The following ADGRB3 variants were observed in gnomAD, a reference collection of about 807,000 sequenced individuals.
ADGRB3 encodes adhesion G protein-coupled receptor B3.
A neutral mutation model predicts 193.4 loss-of-function variants in ADGRB3; 37 were observed. The ratio of observed to expected loss-of-function variants is 0.19; its 90% CI spans 0.15 to 0.25. The LOEUF (loss-of-function observed/expected upper bound fraction) is 0.25, where lower values mean the gene tolerates loss of function less well. ADGRB3 is among the 10% of genes least tolerant of loss of function. ADGRB3 has a pLI of 1.00. For synonymous variants in ADGRB3, 690 were observed against 644.2 expected, an observed-to-expected ratio of 1.07 and a Z score of -1.08; for missense variants, 1,637 against 1,852.9, an observed-to-expected ratio of 0.88 and a Z score of 2.14.
At chr6:68,710,493 T>A (rs372962787) in intron 3 of ADGRB3, among the ~76,000 whole-genome samples, 1 of 152,174 alleles carries the variant, frequency 6.6e-6, no homozygotes, top group East Asian at 1.9e-4. Flanking sequence ...TGGCTGCAGA[T>A]GTGCTTTTGC....
chr6:69,112,542 T>C (rs957232953), intron 17 of ADGRB3, among the ~76,000 whole-genome samples: 8 of 152,160 alleles, frequency 5.3e-5, no homozygotes, highest in African/African-American at 1.9e-4. Flanking sequence ...TCTAGATCAT[T>C]AATAAAAAGC....
intron 17 of ADGRB3, among the ~76,000 whole-genome samples, chr6:69,114,033 A>G (rs12524752): frequency 7.2e-5 from 11 of 152,184 alleles, no homozygotes; most frequent in Admixed American, 2.0e-4. Flanking sequence ...TGGCCCAAAG[A>G]ATGAGATTCT....
intron 13 of ADGRB3, among the ~76,000 whole-genome samples, chr6:69,047,689 G>T (rs1582420606): frequency 6.6e-6 from 1 of 151,942 alleles, no homozygotes; most frequent in East Asian, 1.9e-4. Flanking sequence ...ATATGGCTTT[G>T]TTCTCCATTT....
At chr6:69,068,732 G>C (rs917239597) in intron 16 of ADGRB3, among the ~76,000 whole-genome samples, 3 of 152,172 alleles carry the variant, frequency 2.0e-5, no homozygotes, top group African/African-American at 4.8e-5. Context: ...TATAAAAATA[G>C]TGTCATGTGG....
At chr6:69,064,283 A>C (rs1771834272) in intron 16 of ADGRB3, among the ~76,000 whole-genome samples, 1 of 151,698 alleles carries the variant, frequency 6.6e-6, no homozygotes, top group South Asian at 2.1e-4. Context: ...ATTTAACTTT[A>C]AACTATTCTA....
At chr6:69,364,562 T>G (rs1007803595) in intron 29 of ADGRB3, among the ~76,000 whole-genome samples, 1 of 152,098 alleles carries the variant, frequency 6.6e-6, no homozygotes, top group African/African-American at 2.4e-5. Context: ...GTACCTTGTT[T>G]CTTTCCTTCT....
chr6:69,144,144 G>A (rs758252706), intron 17 of ADGRB3, among the ~76,000 whole-genome samples: 1 of 151,998 alleles, frequency 6.6e-6, no homozygotes, highest in Non-Finnish European at 1.5e-5. Flanking sequence ...TAGCTACTGT[G>A]TAGACTAATT....
chr6:69,007,897 G>A (rs958169891), intron 11 of ADGRB3, among the ~76,000 whole-genome samples: 4 of 152,016 alleles, frequency 2.6e-5, no homozygotes, highest in Non-Finnish European at 2.9e-5. Context: ...AGGCACTGGT[G>A]GCAGGTTCAG....
rs765915261 is a variant in ADGRB3 at position 68,802,185 on chromosome 6, T to TGC, written c.758-128373_758-128372insCG. 5.4e-4 allele frequency among the ~76,000 whole-genome samples: 69 copies of TGC among 128,734 alleles called. No individual in the cohort carries two copies. The South Asian group carries it at 8.9e-3, about 17-fold the overall frequency. The allele number at this position is 128,734 out of a possible 152,430, so 84.5% of individuals were successfully genotyped here. ...AGAGTAAAATAAATGCACATATGCG[T>TGC]GTGTGTGTGTGTGTGTGTGTGTGTG... On this transcript the variant is annotated intron_variant, in intron 3 of 31. Coordinates refer to ENST00000370598, the MANE Select transcript of ADGRB3 (RefSeq NM_001704.3).
rs763967322 is a variant in ADGRB3 at position 68,772,882 on chromosome 6, CAAAAA to C, written c.757+133459_757+133463del. On this transcript the variant is annotated intron_variant, in intron 3 of 31. Coordinates refer to ENST00000370598, the MANE Select transcript of ADGRB3 (RefSeq NM_001704.3). ...ACAAACAAACAAACAAACAAACAAACAAAAAAAAAAAAATATATATATATATATAT... is the reference window on the plus strand; with the variant it reads ...ACAAACAAACAAACAAACAAACAAACAAAAAAAATATATATATATATATAT... Among the ~76,000 whole-genome samples the C allele has an allele frequency of 7.7e-3, 185 of 23,910 alleles. 8 individuals carry two copies. Among genetic ancestry groups the C allele is most frequent in the African/African-American group, 0.027 (159 of 5,914 alleles). 15.7% of individuals were successfully genotyped at this position (23,910 alleles called of 152,430 possible). A position where few individuals can be genotyped will look rare whatever the true frequency, so the allele number is the denominator to read the frequency against.
chr6:69,331,556 C>T (rs1010902586), intron 23 of ADGRB3: 1 of 984,974 alleles, frequency 1.0e-6, no homozygotes, highest in African/African-American at 1.7e-5. Context: ...CTCAACTAAG[C>T]TGTAACAGGG....
intron 3 of ADGRB3, among the ~76,000 whole-genome samples, chr6:68,755,789 G>A (rs1304397745): frequency 2.0e-5 from 3 of 152,052 alleles, no homozygotes; most frequent in East Asian, 1.9e-4. Flanking sequence ...TCAAACACAC[G>A]GGAAATATTT....
At chr6:68,980,266 G>A (rs1159399426) in intron 10 of ADGRB3, among the ~76,000 whole-genome samples, 2 of 151,436 alleles carry the variant, frequency 1.3e-5, no homozygotes, top group Non-Finnish European at 3.0e-5. Flanking sequence ...AGATGTTAAA[G>A]AACTTGAATC....
chr6:68,788,642 T>C (rs1237508323), intron 3 of ADGRB3, among the ~76,000 whole-genome samples: 1 of 152,144 alleles, frequency 6.6e-6, no homozygotes, highest in Non-Finnish European at 1.5e-5. Flanking sequence ...TGATTTGGGG[T>C]GGAGAGTTCT....
At chr6:68,972,732 A>G (rs549321849) in intron 8 of ADGRB3, among the ~76,000 whole-genome samples, 28 of 152,156 alleles carry the variant, frequency 1.8e-4, no homozygotes, top group Non-Finnish European at 2.8e-4. Context: ...GAAATTATCC[A>G]AGAAAAACAC....
chr6:69,115,618 G>T (rs892239446), intron 17 of ADGRB3, among the ~76,000 whole-genome samples: 25 of 152,140 alleles, frequency 1.6e-4, no homozygotes, highest in Admixed American at 1.1e-3. Flanking sequence ...AATAAAGAAA[G>T]AAATAAATAA....
At chr6:69,011,561 C>G (rs186755735) in intron 11 of ADGRB3, among the ~76,000 whole-genome samples, 1 of 152,038 alleles carries the variant, frequency 6.6e-6, no homozygotes, top group East Asian at 1.9e-4. Context: ...TGGAATCATT[C>G]ATACTCCAAA....
intron 26 of ADGRB3, among the ~76,000 whole-genome samples, chr6:69,349,483 A>G (rs1052048926): frequency 7.1e-6 from 1 of 141,104 alleles, no homozygotes; most frequent in African/African-American, 2.5e-5. Flanking sequence ...TGACTTTGCT[A>G]TCAGCAAAGT....
chr6:68,826,853 G>T (rs1767853217), intron 3 of ADGRB3, among the ~76,000 whole-genome samples: 1 of 152,142 alleles, frequency 6.6e-6, no homozygotes, highest in African/African-American at 2.4e-5. Flanking sequence ...CTGAACAACT[G>T]CAAGGATAGA....
Sources: gnomAD v4.1 joint callset for allele counts (sites outside exome capture counted in the v4.1 genomes callset) on GRCh38, gnomAD v4.1.1 for gene constraint, MANE v1.5 for transcripts, NCBI Gene and HGNC (gene_info 2026-07-23, HGNC 2026-07-21) for gene names.